SLC37A1: variants seen among roughly 807,000 people sequenced by gnomAD.
SLC37A1 encodes the protein solute carrier family 37 member 1.
In SLC37A1, 49 loss-of-function variants were observed where a neutral mutation model predicts 75.3. That is an observed-to-expected ratio of 0.65 (90% CI 0.52 to 0.83). The LOEUF (loss-of-function observed/expected upper bound fraction) is 0.83. SLC37A1 is among the 40% of genes least tolerant of loss of function. The pLI is 0.00. For synonymous variants in SLC37A1, 268 were observed against 292.1 expected (o/e 0.92, Z 0.84); for missense variants, 566 against 695.0 (o/e 0.81, Z 2.09).
rs144411986 is a variant in SLC37A1, at chr21:42,504,843, C to T, written c.-179+2426C>T. ...TCTTCTCTCCGCTTTATTTCCTTAT[C>T]TTAATGAAGGGCCCACTTGCTACCG... On this transcript the variant is annotated intron_variant, in intron 2 of 20. Transcript: ENST00000398341. Among the ~76,000 whole-genome samples the T allele has an allele frequency of 1.2e-3, 184 of 152,290 alleles. 1 individual carries two copies. The highest frequency in any genetic ancestry group is 4.4e-3 in the African/African-American group (182 of 41,558).
chr21:42,571,687 C>CCCT lies in SLC37A1; in HGVS notation c.1424-3120_1424-3118dup, dbSNP rs143114415. Among the ~76,000 whole-genome samples the CCCT allele has an allele frequency of 9.5e-3, 1,441 of 152,006 alleles. 19 individuals are homozygous for CCCT. Among genetic ancestry groups the CCCT allele is most frequent in the African/African-American group, 0.033 (1,360 of 41,450 alleles). ...TCCCTTCCACCCCGACATTGCCCAC[C>CCCT]CCTCCTCCTCCTCAGTTATACCAGC... On this transcript the variant is annotated intron_variant, in intron 17 of 19. Transcript: ENST00000352133.
chr21:42,505,900 T>C (rs916528879), intron 2 of SLC37A1, among the ~76,000 whole-genome samples: 1 of 152,254 alleles, frequency 6.6e-6, no homozygotes, highest in Non-Finnish European at 1.5e-5. Flanking sequence ...CCTCTCCTAT[T>C]CATCTTTGTA....
At chr21:42,504,569 A>G (rs1470981256) in intron 2 of SLC37A1, among the ~76,000 whole-genome samples, 1 of 152,204 alleles carries the variant, frequency 6.6e-6, no homozygotes, top group African/African-American at 2.4e-5. Context: ...GTAAAGGGAG[A>G]AAAAGGACCC....
chr21:42,566,305 C>T (rs1037549224), intron 15 of SLC37A1, among the ~76,000 whole-genome samples: 8 of 152,246 alleles, frequency 5.3e-5, no homozygotes, highest in African/African-American at 1.4e-4. Context: ...AGGAACCTGG[C>T]GGTGTGACCT....
At chr21:42,562,837 G>C (rs1009562910) in intron 12 of SLC37A1, among the ~76,000 whole-genome samples, 1 of 152,096 alleles carries the variant, frequency 6.6e-6, no homozygotes, top group Non-Finnish European at 1.5e-5. Context: ...CAGAGAGAGC[G>C]AGAGGAAGGA....
At chr21:42,558,351 C>A (rs551717830) in intron 10 of SLC37A1, among the ~76,000 whole-genome samples, 1 of 152,090 alleles carries the variant, frequency 6.6e-6, no homozygotes. Flanking sequence ...TTGTGAACTC[C>A]TAAAAAATGC....
At chr21:42,508,120 CTCTTT>C (rs1335194240) in intron 2 of SLC37A1, among the ~76,000 whole-genome samples, 1 of 139,570 alleles carries the variant, frequency 7.2e-6, no homozygotes, top group Non-Finnish European at 1.5e-5. Context: ...GAAGAGTACG[CTCTTT>C]TTTTTTTTTT....
In SLC37A1 at chr21:42,513,857, C is replaced by A. The variant is rs1482209655; in HGVS notation, c.-1039C>A. 2.1e-5 allele frequency: 3 copies of A among 146,198 alleles called. No homozygotes were observed. The highest frequency in any genetic ancestry group is 3.9e-4 in the South Asian group (2 of 5,146). 9.1% of individuals were successfully genotyped at this position (146,198 alleles called of 1,614,324 possible). The stretch of plus-strand genomic sequence containing the variant: ...CCTCCCGCGCGCCGCTCCAGGAAGT[C>A]GCGAGCAGGAAGCGCCCGCGGCGGC... On this transcript the variant is annotated 5_prime_UTR_variant, in exon 1 of 20. Transcript: ENST00000352133.
At chr21:42,501,772 C>G (rs937493930) in intron 1 of SLC37A1, among the ~76,000 whole-genome samples, 26 of 152,124 alleles carry the variant, frequency 1.7e-4, no homozygotes, top group African/African-American at 6.3e-4. Context: ...CATGTTAATC[C>G]TTCATTCCAA....
intron 5 of SLC37A1, among the ~76,000 whole-genome samples, chr21:42,536,818 C>G (rs1352882538): frequency 1.3e-5 from 2 of 152,206 alleles, no homozygotes; most frequent in Non-Finnish European, 2.9e-5. Flanking sequence ...GGATTCATTC[C>G]TTCGTCAAGG....
chr21:42,520,646 CGTGTGTGTGGGT>C (rs2054626761), intron 2 of SLC37A1, among the ~76,000 whole-genome samples: 1 of 151,454 alleles, frequency 6.6e-6, no homozygotes, highest in South Asian at 2.1e-4. Flanking sequence ...TGTGTGTGTG[CGTGTGTGTGGGT>C]GTGTGTGTGT....
chr21:42,519,097 G>A (rs1240261331), intron 2 of SLC37A1, among the ~76,000 whole-genome samples: 1 of 152,194 alleles, frequency 6.6e-6, no homozygotes, highest in East Asian at 1.9e-4. Context: ...CCTCTTCTGG[G>A]AGAGGAAAAA....
chr21:42,502,499 G>A (rs1005376447), intron 2 of SLC37A1: 12 of 152,120 alleles, frequency 7.9e-5, no homozygotes, highest in African/African-American at 2.4e-4. Flanking sequence ...ATATTTTCTC[G>A]ATTATTTGAG....
At chr21:42,527,045 C>T (rs906578172) in intron 3 of SLC37A1, among the ~76,000 whole-genome samples, 1 of 152,054 alleles carries the variant, frequency 6.6e-6, no homozygotes, top group African/African-American at 2.4e-5. Context: ...ACTTGGTGAG[C>T]GTGTTGGAGT....
intron 8 of SLC37A1, among the ~76,000 whole-genome samples, chr21:42,546,173 G>A (rs993546499): frequency 2.0e-5 from 3 of 152,220 alleles, no homozygotes; most frequent in African/African-American, 7.2e-5. Flanking sequence ...GGAGCGAGAA[G>A]CAGTAGGGCT....
upstream of SLC37A1, among the ~76,000 whole-genome samples, chr21:42,512,417 C>A (rs371993760): frequency 4.9e-3 from 742 of 152,224 alleles, 2 homozygotes; most frequent in Non-Finnish European, 8.1e-3. Context: ...GAGTGGATTG[C>A]AGGAGGTAGA....
chr21:42,577,981 A>T (rs993437627), intron 18 of SLC37A1, among the ~76,000 whole-genome samples: 17 of 152,352 alleles, frequency 1.1e-4, no homozygotes, highest in Non-Finnish European at 1.6e-4. Flanking sequence ...CTATACCAGG[A>T]TGTGCAGCAG....
At position 42,518,445 on chromosome 21, in the gene SLC37A1, G is replaced by A. The variant is rs200839149; in HGVS notation, c.-10G>A. 1 of 1,614,140 alleles carries A rather than the reference G, an allele frequency of 6.2e-7. No homozygotes were observed. The highest frequency in any genetic ancestry group is 2.2e-5 in the East Asian group (1 of 44,876). ...CTGCGACCGAGGCTCAGTGGTCAGTGGCGACGTAAATGGCTCGACTCCCCG... is the reference window on the plus strand; with the variant it reads ...CTGCGACCGAGGCTCAGTGGTCAGTAGCGACGTAAATGGCTCGACTCCCCG... On this transcript the variant is annotated 5_prime_UTR_variant, in exon 2 of 20. It introduces an in-frame stop codon into an upstream open reading frame of the 5' UTR. Transcript: ENST00000352133.
At chr21:42,535,576 C>A in intron 5 of SLC37A1, 26 bp downstream of exon 5, 1 of 1,600,906 alleles carries the variant, frequency 6.2e-7, no homozygotes, top group Non-Finnish European at 8.6e-7. Context: ...TTTTCCAGAC[C>A]CTTCCTGGTT....
Sources: gnomAD v4.1 joint callset for allele counts (sites outside exome capture counted in the v4.1 genomes callset) on GRCh38, gnomAD v4.1.1 for gene constraint, MANE v1.5 for transcripts, NCBI Gene and HGNC (gene_info 2026-07-23, HGNC 2026-07-21) for gene names.